The following LMCD1 variants were observed in gnomAD, a reference collection of about 807,000 sequenced individuals.
The protein encoded by LMCD1 is LIM and cysteine rich domains 1.
LMCD1 carries 32 observed loss-of-function variants against 42.7 expected under a neutral mutation model. The ratio of observed to expected loss-of-function variants is 0.75; its 90% CI spans 0.57 to 1.01. The LOEUF is 1.01. Ranked by LOEUF, LMCD1 falls within the 50% of genes least tolerant of loss-of-function variation. The pLI is 0.00. For missense variants in LMCD1, 458 were observed against 483.1 expected, an observed-to-expected ratio of 0.95 and a Z score of 0.49; for synonymous variants, 178 against 184.9, an observed-to-expected ratio of 0.96 and a Z score of 0.30.
intron 1 of LMCD1, among the ~76,000 whole-genome samples, chr3:8,522,834 T>C (rs1225869694): frequency 6.6e-6 from 1 of 152,216 alleles, no homozygotes; most frequent in Non-Finnish European, 1.5e-5. Context: ...TTAAAGGGAA[T>C]ATATCATTTG....
In LMCD1 at chr3:8,572,682, A is replaced by G. The variant is rs190607548; in HGVS notation, c.*5084A>G. On this transcript the variant is annotated 3_prime_UTR_variant, in exon 6 of 6. Transcript: ENST00000157600. ...TATTTTATTAAATAGTTTATAATTG[A>G]TTACCATCCTTATTTATTTTAATGC... The G allele has an allele frequency of 1.3e-5, 2 of 152,266 alleles. No individual in the cohort carries two copies. Among genetic ancestry groups the G allele is most frequent in the Non-Finnish European group, 2.9e-5 (2 of 68,008 alleles). 9.4% of individuals were successfully genotyped at this position (152,266 alleles called of 1,614,324 possible). A position where few individuals can be genotyped will look rare whatever the true frequency, so the allele number is the denominator to read the frequency against.
rs1695250928 is a variant in LMCD1, at chr3:8,573,388, C to T, written c.*5790C>T. ...ACATAGTTATTTTTTGTGGTGAGAA[C>T]ATTTTAAAAATATTGTCTTAGCAAT... On this transcript the variant is annotated 3_prime_UTR_variant, in exon 6 of 6. Coordinates refer to ENST00000157600, the MANE Select transcript of LMCD1 (RefSeq NM_014583.4). 1 of 152,266 alleles carries T rather than the reference C, an allele frequency of 6.6e-6. No individual in the cohort carries two copies. The highest frequency in any genetic ancestry group is 2.1e-4 in the South Asian group (1 of 4,826). The allele number at this position is 152,266 out of a possible 1,614,324, so 9.4% of individuals were successfully genotyped here.
chr3:8,564,428 A>C (rs570100931), intron 4 of LMCD1, among the ~76,000 whole-genome samples: 1 of 152,142 alleles, frequency 6.6e-6, no homozygotes, highest in South Asian at 2.1e-4. Context: ...GCACCATCAC[A>C]ACTGGCTAAT....
chr3:8,553,598 A>T (rs1038934427), intron 4 of LMCD1, among the ~76,000 whole-genome samples: 2 of 152,058 alleles, frequency 1.3e-5, no homozygotes, highest in Non-Finnish European at 2.9e-5. Flanking sequence ...CCAGGCCAGC[A>T]GACGGGCCCT....
At position 8,569,228 on chromosome 3, in the gene LMCD1, C is replaced by T. The variant is rs1029638552; in HGVS notation, c.*1630C>T. On this transcript the variant is annotated 3_prime_UTR_variant, in exon 6 of 6. Transcript: ENST00000157600. ...CTAGATTTCTAGTTCCCTATTTCTT[C>T]CTAAGCATGCAGAAGCTCCCTCTGA... The T allele has an allele frequency of 1.3e-5, 2 of 152,180 alleles. No individual in the cohort carries two copies. The highest frequency in any genetic ancestry group is 4.8e-5 in the African/African-American group (2 of 41,430). 9.4% of individuals were successfully genotyped at this position (152,180 alleles called of 1,614,324 possible). A position where few individuals can be genotyped will look rare whatever the true frequency, so the allele number is the denominator to read the frequency against.
In LMCD1 at chr3:8,548,719, A is replaced by C; in HGVS notation, c.539A>C (p.Lys180Thr). 6.2e-7 allele frequency: 1 copy of C among 1,614,146 alleles called. No individual in the cohort carries two copies. Among genetic ancestry groups the C allele is most frequent in the South Asian group, 1.1e-5 (1 of 91,064 alleles). ...CGTGGACTTTTGGAGAATGAGTTGAAACTGATGGAAGAATTTGTCAAGCAA... is the reference window on the plus strand; with the variant it reads ...CGTGGACTTTTGGAGAATGAGTTGACACTGATGGAAGAATTTGTCAAGCAA... ...RCRGLLENEL[K>T]LMEEFVKQYK... is the part of the protein sequence containing the mutation. The change falls in exon 4 of 6, where the codon AAA becomes ACA. Residue 180 changes from lysine (K) to threonine (T), a missense_variant. Coordinates refer to ENST00000157600, the MANE Select transcript of LMCD1 (RefSeq NM_014583.4).
At chr3:8,544,139 TTC>T (rs142916842) in intron 3 of LMCD1, among the ~76,000 whole-genome samples, 4,710 of 152,208 alleles carry the variant, frequency 0.031, 129 homozygotes, top group African/African-American at 0.071. Context: ...GATATTGCTC[TTC>T]TCTCTCTCTT....
chr3:8,517,407 A>G (rs901102631), intron 1 of LMCD1, among the ~76,000 whole-genome samples: 3 of 152,242 alleles, frequency 2.0e-5, no homozygotes, highest in African/African-American at 7.2e-5. Context: ...ACTGAAAAGT[A>G]TTCAAAATCT....
chr3:8,527,689 A>G (rs1694326150), intron 1 of LMCD1, among the ~76,000 whole-genome samples: 1 of 152,238 alleles, frequency 6.6e-6, no homozygotes, highest in Non-Finnish European at 1.5e-5. Context: ...TGCATTGAAT[A>G]GAATTTTGTG....
chr3:8,514,104 G>C (rs747693835), intron 1 of LMCD1, among the ~76,000 whole-genome samples: 24 of 151,556 alleles, frequency 1.6e-4, no homozygotes, highest in South Asian at 6.3e-4. Context: ...TTGATAGATA[G>C]ATACATACAT....
chr3:8,552,754 C>T (rs1401080432), intron 4 of LMCD1, among the ~76,000 whole-genome samples: 1 of 152,188 alleles, frequency 6.6e-6, no homozygotes, highest in Non-Finnish European at 1.5e-5. Flanking sequence ...GATGGAGTCT[C>T]ACTCTGTCGC....
At position 8,507,850 on chromosome 3, in the gene LMCD1, G is replaced by A. The variant is rs79384489; in HGVS notation, c.42+5870G>A. Among the ~76,000 whole-genome samples the A allele has an allele frequency of 6.1e-3, 935 of 152,348 alleles. 10 individuals carry two copies. The highest frequency in any genetic ancestry group is 0.021 in the African/African-American group (889 of 41,578). The stretch of plus-strand genomic sequence containing the variant: ...AAACAGAAGGCATTCGTAGAAAGCA[G>A]AAATCTGGTGAGGAGGGACTATGAT... On this transcript the variant is annotated intron_variant, in intron 1 of 5. Coordinates refer to ENST00000157600, the MANE Select transcript of LMCD1 (RefSeq NM_014583.4).
chr3:8,547,709 G>A (rs905603569), intron 3 of LMCD1, among the ~76,000 whole-genome samples: 2 of 150,540 alleles, frequency 1.3e-5, no homozygotes, highest in African/African-American at 2.5e-5. Flanking sequence ...CGGCTAACAC[G>A]GTGAAACCCT....
At chr3:8,527,038 A>T (rs1191035808) in intron 1 of LMCD1, among the ~76,000 whole-genome samples, 1 of 152,212 alleles carries the variant, frequency 6.6e-6, no homozygotes, top group African/African-American at 2.4e-5. Context: ...ACAGGTTACT[A>T]GCTGTTGAAT....
At chr3:8,503,046 G>A (rs1693797544) in intron 1 of LMCD1, among the ~76,000 whole-genome samples, 1 of 152,180 alleles carries the variant, frequency 6.6e-6, no homozygotes, top group Non-Finnish European at 1.5e-5. Flanking sequence ...CTGATGTGGG[G>A]AGGATAGGCC....
rs181137226 is a variant in LMCD1 at position 8,519,406 on chromosome 3, A to G, written c.43-13331A>G. On this transcript the variant is annotated intron_variant, in intron 1 of 5. Coordinates refer to ENST00000157600, the MANE Select transcript of LMCD1 (RefSeq NM_014583.4). ...ATGAATAATTCTGAATGTACTCAAG[A>G]GATAATTTTCTGGAAAGTAACTTGG... Among the ~76,000 whole-genome samples the G allele has an allele frequency of 2.6e-5, 4 of 152,326 alleles. No individual in the cohort carries two copies. The East Asian group carries it at 7.7e-4, about 29-fold the overall frequency.
rs373886334 is a variant in LMCD1, at chr3:8,537,218, G to C, written c.165G>C (p.Glu55Asp). 8.1e-6 allele frequency: 13 copies of C among 1,614,004 alleles called. No homozygotes were observed. The African/African-American group carries it at 1.6e-4, about 20-fold the overall frequency. The change falls in exon 3 of 6, where the codon GAG becomes GAC. Residue 55 changes from glutamate to aspartate, a missense_variant. Glu to Asp is a conservative substitution (Grantham distance 45). Coordinates refer to ENST00000157600, the MANE Select transcript of LMCD1 (RefSeq NM_014583.4). Reference sequence around the variant, plus strand: ...GCAAGTCTTGCAAATGCAGCCAAGAGGACCACTGCCTAACATCTGACCTAG... The same window carrying C: ...GCAAGTCTTGCAAATGCAGCCAAGACGACCACTGCCTAACATCTGACCTAG... The part of the protein sequence containing the change: ...KICKSCKCSQ[E>D]DHCLTSDLED...
At chr3:8,542,921 T>C (rs983104969) in intron 3 of LMCD1, among the ~76,000 whole-genome samples, 4 of 152,062 alleles carry the variant, frequency 2.6e-5, no homozygotes, top group East Asian at 1.9e-4. Flanking sequence ...TCCCTAAGAG[T>C]TGGCTGTTCC....
chr3:8,530,611 C>T (rs1559349477), intron 1 of LMCD1, among the ~76,000 whole-genome samples: 1 of 152,202 alleles, frequency 6.6e-6, no homozygotes, highest in Non-Finnish European at 1.5e-5. Context: ...CGGTTTCCAG[C>T]CTTCTGAGTA....
Sources: gnomAD v4.1 joint callset for allele counts (sites outside exome capture counted in the v4.1 genomes callset) on GRCh38, gnomAD v4.1.1 for gene constraint, MANE v1.5 for transcripts, NCBI Gene and HGNC (gene_info 2026-07-23, HGNC 2026-07-21) for gene names.